Variants in XKR6 observed in about 807,000 individuals in gnomAD.
XKR6 encodes the protein XK-related protein 6.
In XKR6, 22 loss-of-function variants were observed where a neutral mutation model predicts 56.7. The observed-to-expected ratio is 0.39, with a 90% CI of 0.28 to 0.55. XKR6 has a LOEUF of 0.55. XKR6 is among the 20% of genes least tolerant of loss of function. XKR6 has a pLI of 0.66. For missense variants in XKR6, 852 were observed against 889.0 expected, an observed-to-expected ratio of 0.96 and a Z score of 0.53; for synonymous variants, 524 against 387.8, an observed-to-expected ratio of 1.35 and a Z score of -4.13.
chr8:11,113,949 A>C (rs1458442502), intron 1 of XKR6: 2 of 321,480 alleles, frequency 6.2e-6, no homozygotes, highest in Non-Finnish European at 1.2e-5. Flanking sequence ...AAACACATGA[A>C]GGCCTCCCTC....
intron 1 of XKR6, among the ~76,000 whole-genome samples, chr8:11,085,650 G>T (rs1346383324): frequency 6.6e-6 from 1 of 152,130 alleles, no homozygotes; most frequent in African/African-American, 2.4e-5. Context: ...GCCATAGGAT[G>T]GTCTCCCATG....
At chr8:10,993,750 G>C (rs1024225337) in intron 1 of XKR6, among the ~76,000 whole-genome samples, 13 of 152,152 alleles carry the variant, frequency 8.5e-5, no homozygotes, top group Non-Finnish European at 1.5e-4. Context: ...TGCCACTCCT[G>C]CTCCTCCTCT....
chr8:11,137,822 C>G (rs1374257845), intron 1 of XKR6: 1 of 379,638 alleles, frequency 2.6e-6, no homozygotes, highest in Non-Finnish European at 5.2e-6. Context: ...CACCGCAACT[C>G]TAGAATCTTC....
At chr8:11,173,530 G>A (rs1276585113) in intron 1 of XKR6, among the ~76,000 whole-genome samples, 4 of 151,976 alleles carry the variant, frequency 2.6e-5, no homozygotes, top group East Asian at 1.9e-4. Flanking sequence ...TCTTTATTAC[G>A]CGGCAGGATG....
chr8:10,977,067 A>G (rs1418999759), intron 1 of XKR6, among the ~76,000 whole-genome samples: 1 of 152,138 alleles, frequency 6.6e-6, no homozygotes, highest in East Asian at 1.9e-4. Context: ...GCCAGGTGAC[A>G]TGCCCAAGAT....
intron 1 of XKR6, among the ~76,000 whole-genome samples, chr8:11,024,686 C>T (rs776967596): frequency 5.3e-5 from 8 of 152,264 alleles, no homozygotes; most frequent in Admixed American, 1.3e-4. Context: ...TTTCCACCAT[C>T]TGTTGAAGGT....
chr8:10,958,623 T>C (rs977014515), intron 1 of XKR6, among the ~76,000 whole-genome samples: 1 of 152,158 alleles, frequency 6.6e-6, no homozygotes, highest in South Asian at 2.1e-4. Context: ...GGAGCCAATA[T>C]TCCCCTTTTA....
At chr8:11,044,599 C>T (rs1277100370) in intron 1 of XKR6, among the ~76,000 whole-genome samples, 7 of 152,146 alleles carry the variant, frequency 4.6e-5, no homozygotes, top group East Asian at 1.9e-4. Context: ...CTCCCAACAA[C>T]GCTGTCTTAT....
intron 1 of XKR6, among the ~76,000 whole-genome samples, chr8:11,125,463 A>G (rs1799728623): frequency 6.6e-6 from 1 of 152,118 alleles, no homozygotes; most frequent in African/African-American, 2.4e-5. Flanking sequence ...ATTAATTACC[A>G]CAGAACAGGT....
intron 1 of XKR6, among the ~76,000 whole-genome samples, chr8:10,925,872 C>T (rs544520281): frequency 6.6e-6 from 1 of 152,260 alleles, no homozygotes; most frequent in Non-Finnish European, 1.5e-5. Flanking sequence ...AAGGCACCAT[C>T]CAAACTCAGC....
At chr8:11,073,857 A>G (rs572280731) in intron 1 of XKR6, among the ~76,000 whole-genome samples, 17 of 152,194 alleles carry the variant, frequency 1.1e-4, no homozygotes, top group South Asian at 2.1e-4. Flanking sequence ...GAGGCCGACT[A>G]TTCAATCTGG....
At chr8:11,179,296 T>C (rs1285572477) in intron 1 of XKR6, among the ~76,000 whole-genome samples, 1 of 152,200 alleles carries the variant, frequency 6.6e-6, no homozygotes. Context: ...TTTAGGTAAC[T>C]GTTAACTGAC....
chr8:11,129,575 G>A (rs1199449603), intron 1 of XKR6, among the ~76,000 whole-genome samples: 3 of 152,116 alleles, frequency 2.0e-5, no homozygotes, highest in Non-Finnish European at 2.9e-5. Context: ...CATGGTACAC[G>A]AACAGTCACA....
intron 1 of XKR6, among the ~76,000 whole-genome samples, chr8:11,015,229 T>C (rs1020963515): frequency 7.2e-5 from 11 of 152,054 alleles, no homozygotes; most frequent in Non-Finnish European, 1.6e-4. Context: ...CAAATTCTTT[T>C]AGTTCCAATT....
chr8:11,108,602 C>A (rs1798769121), intron 1 of XKR6: 1 of 320,890 alleles, frequency 3.1e-6, no homozygotes, highest in African/African-American at 2.2e-5. Flanking sequence ...TCTGGGGCAG[C>A]CCTTTGCAGA....
chr8:11,201,512 G>C lies in XKR6; in HGVS notation c.-173C>G, dbSNP rs1042038553. On this transcript the variant is annotated 5_prime_UTR_variant, in exon 1 of 3. Coordinates refer to ENST00000416569, the MANE Select transcript of XKR6 (RefSeq NM_173683.4). Reference sequence around the variant, plus strand: ...GCCAGGGAACCCCCTCCGCTTCCGGGTAGTTGGCGTCACTTCCGGGCGAGC... The same window carrying C: ...GCCAGGGAACCCCCTCCGCTTCCGGCTAGTTGGCGTCACTTCCGGGCGAGC... The C allele has an allele frequency of 3.6e-6, 2 of 560,450 alleles. No individual in the cohort carries two copies. Among genetic ancestry groups the C allele is most frequent in the East Asian group, 6.7e-5 (2 of 29,866 alleles). 34.7% of individuals were successfully genotyped at this position (560,450 alleles called of 1,614,324 possible). A position where few individuals can be genotyped will look rare whatever the true frequency, so the allele number is the denominator to read the frequency against.
intron 1 of XKR6, among the ~76,000 whole-genome samples, chr8:10,995,757 C>A (rs1002121010): frequency 6.6e-6 from 1 of 151,540 alleles, no homozygotes; most frequent in Non-Finnish European, 1.5e-5. Flanking sequence ...AGGAAAGCTG[C>A]CTACGATGAA....
chr8:11,085,209 T>C (rs1449484380), intron 1 of XKR6, among the ~76,000 whole-genome samples: 1 of 152,162 alleles, frequency 6.6e-6, no homozygotes, highest in Non-Finnish European at 1.5e-5. Context: ...CTTCCTCCCA[T>C]CACCCTCTCA....
At chr8:11,148,863 C>G (rs1801125856) in intron 1 of XKR6, among the ~76,000 whole-genome samples, 2 of 152,082 alleles carry the variant, frequency 1.3e-5, no homozygotes, top group Non-Finnish European at 2.9e-5. Context: ...CTATTAATAC[C>G]ACACAACAAC....
Sources: allele counts gnomAD v4.1 joint callset (sites outside exome capture counted in the v4.1 genomes callset), GRCh38; gene constraint gnomAD v4.1.1; transcripts MANE v1.5; gene names NCBI Gene and HGNC (gene_info 2026-07-23, HGNC 2026-07-21).